Variants in KLRG1 observed in about 807,000 individuals in gnomAD.
KLRG1 encodes the protein killer cell lectin like receptor G1, also known as killer cell lectin-like receptor subfamily G member 1.
In KLRG1, 16 loss-of-function variants were observed where a neutral mutation model predicts 21.8. The ratio of observed to expected loss-of-function variants is 0.73; its 90% CI spans 0.50 to 1.11. The LOEUF (loss-of-function observed/expected upper bound fraction) is 1.11, where lower values mean the gene tolerates loss of function less well. KLRG1 is among the 50% of genes most tolerant of loss of function. The probability of loss-of-function intolerance (pLI) is 0.00; values close to 1 mark genes in which losing one functional copy is unlikely to be tolerated. For synonymous variants in KLRG1, 69 were observed against 75.9 expected, an observed-to-expected ratio of 0.91 and a Z score of 0.47; for missense variants, 173 against 218.3, an observed-to-expected ratio of 0.79 and a Z score of 1.31.
chr12:9,135,702 C>T, the KLRG1 span: 1 of 193,720 alleles, frequency 5.2e-6, no homozygotes, highest in South Asian at 1.0e-4. Context: ...TGTGAAGATC[C>T]GGCACAAGAT....
chr12:9,174,802 A>G, the KLRG1 span, among the ~76,000 whole-genome samples: 2 of 152,338 alleles, frequency 1.3e-5, no homozygotes, highest in Non-Finnish European at 1.5e-5. Context: ...CTGCTCAAGG[A>G]TATCATAGAG....
chr12:8,966,615 C>T (rs1379014647), intron 1 of KLRG1, among the ~76,000 whole-genome samples: 2 of 152,042 alleles, frequency 1.3e-5, no homozygotes, highest in Non-Finnish European at 2.9e-5. Flanking sequence ...CAGAGAAATG[C>T]AAATCAAAAC....
the KLRG1 span, chr12:9,181,896 A>G: frequency 5.0e-5 from 73 of 1,472,608 alleles, 1 homozygote; most frequent in South Asian, 9.2e-4. Flanking sequence ...TTCTGGACTT[A>G]GTTTTCTCTG....
chr12:9,108,318 G>A, the KLRG1 span, among the ~76,000 whole-genome samples: 139 of 152,094 alleles, frequency 9.1e-4, no homozygotes, highest in African/African-American at 3.2e-3. Flanking sequence ...AGTAGAGACG[G>A]GGTTTCACCA....
At chr12:9,160,551 T>A in the KLRG1 span, 2 of 1,499,156 alleles carry the variant, frequency 1.3e-6, no homozygotes, top group South Asian at 1.2e-5. Flanking sequence ...CCAACATTAT[T>A]AACAAAAATG....
At chr12:9,204,735 C>T in the KLRG1 span, among the ~76,000 whole-genome samples, 1 of 152,174 alleles carries the variant, frequency 6.6e-6, no homozygotes, top group East Asian at 1.9e-4. Flanking sequence ...ATTAGTATGT[C>T]CATGTTTATA....
the KLRG1 span, chr12:9,150,828 T>C: frequency 1.1e-6 from 1 of 887,878 alleles, no homozygotes; most frequent in Non-Finnish European, 1.8e-6. Flanking sequence ...TTATTGTTCT[T>C]TGACTCTTTT....
At chr12:8,958,778 G>A (rs1946336473) in intron 1 of KLRG1, among the ~76,000 whole-genome samples, 1 of 151,116 alleles carries the variant, frequency 6.6e-6, no homozygotes, top group African/African-American at 2.4e-5. Flanking sequence ...GATCGCTTGA[G>A]CCCAGGAGGT....
chr12:8,980,804 T>C (rs796217520), intron 1 of KLRG1, among the ~76,000 whole-genome samples: 36 of 152,268 alleles, frequency 2.4e-4, no homozygotes, highest in African/African-American at 8.7e-4. Flanking sequence ...GTGGGGGTCC[T>C]TGGCAGTTAA....
intron 1 of KLRG1, among the ~76,000 whole-genome samples, chr12:8,982,985 A>G (rs1359918588): frequency 1.3e-5 from 2 of 152,184 alleles, no homozygotes; most frequent in African/African-American, 4.8e-5. Flanking sequence ...TTTTTCTTCT[A>G]GTCTTACAAT....
intron 1 of KLRG1, among the ~76,000 whole-genome samples, chr12:8,959,533 G>C (rs181795778): frequency 2.6e-5 from 4 of 152,222 alleles, no homozygotes; most frequent in South Asian, 4.2e-4. Context: ...TGAACTCTTG[G>C]GGGGATGAGT....
intron 1 of KLRG1, among the ~76,000 whole-genome samples, chr12:8,967,193 G>C (rs1463848830): frequency 1.7e-5 from 2 of 118,368 alleles, no homozygotes; most frequent in African/African-American, 3.2e-5. Flanking sequence ...TGTGGGGTGG[G>C]GGGAGGGGGG....
At chr12:8,969,071 C>G (rs917089385) in intron 1 of KLRG1, among the ~76,000 whole-genome samples, 1 of 152,136 alleles carries the variant, frequency 6.6e-6, no homozygotes, top group Non-Finnish European at 1.5e-5. Context: ...CATCTCCAGC[C>G]TTGGACAGGG....
At chr12:9,115,955 C>A in the KLRG1 span, 1 of 900,528 alleles carries the variant, frequency 1.1e-6, no homozygotes, top group Non-Finnish European at 1.8e-6. Context: ...TTATGCTGCT[C>A]TGTGTGCAAA....
the KLRG1 span, among the ~76,000 whole-genome samples, chr12:9,141,344 CTAA>C: frequency 1.3e-5 from 2 of 152,160 alleles, no homozygotes; most frequent in Non-Finnish European, 2.9e-5. Flanking sequence ...TAGTGTGCTA[CTAA>C]TGTTAAACTC....
chr12:9,112,043 A>T, the KLRG1 span: 1 of 952,442 alleles, frequency 1.0e-6, no homozygotes, highest in East Asian at 2.4e-5. Flanking sequence ...GTAATGCCAG[A>T]AGTTACTGTT....
chr12:9,007,638 G>A (rs3026252), intron 3 of KLRG1, among the ~76,000 whole-genome samples: 35,425 of 152,040 alleles, frequency 0.23, 4,850 homozygotes, highest in East Asian at 0.37. Context: ...CAAAGAGACA[G>A]TTAAGAGCAG....
the KLRG1 span, chr12:9,200,964 C>T: frequency 6.2e-7 from 1 of 1,614,006 alleles, no homozygotes; most frequent in East Asian, 2.2e-5. Flanking sequence ...CTGTAGGAGC[C>T]CTGAATGGGC....
the KLRG1 span, chr12:9,168,340 A>T: frequency 1.3e-5 from 2 of 152,366 alleles, no homozygotes; most frequent in Admixed American, 1.3e-4. Context: ...TTCATGAGAG[A>T]GGGATGACAA....
Sources: allele counts gnomAD v4.1 joint callset (sites outside exome capture counted in the v4.1 genomes callset), GRCh38; gene constraint gnomAD v4.1.1; transcripts MANE v1.5; gene names NCBI Gene and HGNC (gene_info 2026-07-23, HGNC 2026-07-21).